Variants in CYP3A5 observed in about 807,000 individuals in gnomAD.
CYP3A5 encodes the protein cytochrome P450 3A5.
CYP3A5 carries 51 observed loss-of-function variants against 55.9 expected under a neutral mutation model. The ratio of observed to expected loss-of-function variants is 0.91; its 90% CI spans 0.73 to 1.15. The LOEUF is 1.15. Among genes scored for constraint, CYP3A5 ranks in the 50% most tolerant of loss-of-function variants. The probability of loss-of-function intolerance (pLI) is 0.00; values close to 1 mark genes in which losing one functional copy is unlikely to be tolerated. For synonymous variants in CYP3A5, 196 were observed against 213.9 expected, an observed-to-expected ratio of 0.92 and a Z score of 0.73; for missense variants, 533 against 596.6, an observed-to-expected ratio of 0.89 and a Z score of 1.11.
At chr7:99,658,420 A>T (rs567778527) in intron 10 of CYP3A5, among the ~76,000 whole-genome samples, 1 of 152,180 alleles carries the variant, frequency 6.6e-6, no homozygotes, top group Admixed American at 6.5e-5. Context: ...CCCACTCTCT[A>T]CTGGCTTGTA....
At chr7:99,677,661 A>G (rs549209671) in intron 1 of CYP3A5, among the ~76,000 whole-genome samples, 3 of 152,372 alleles carry the variant, frequency 2.0e-5, no homozygotes, top group East Asian at 1.9e-4. Flanking sequence ...CAGGGGCAGC[A>G]TGAGCAGGCC....
intron 3 of CYP3A5, chr7:99,672,957 A>G (rs1811822976): frequency 2.6e-6 from 3 of 1,160,062 alleles, no homozygotes; most frequent in Non-Finnish European, 3.2e-6. Context: ...ATGGTTAGAA[A>G]TGACAGTAGA....
At chr7:99,671,718 ATAT>A (rs1811650478) in intron 4 of CYP3A5, 2 of 661,552 alleles carry the variant, frequency 3.0e-6, no homozygotes, top group African/African-American at 1.8e-5. Context: ...ATAAAAGGAA[ATAT>A]TAATACATTG....
chr7:99,669,738 G>A (rs979165931), intron 4 of CYP3A5, among the ~76,000 whole-genome samples: 1 of 152,186 alleles, frequency 6.6e-6, no homozygotes, highest in Admixed American at 6.5e-5. Context: ...AAATCGAAAT[G>A]TCACCATGCT....
chr7:99,660,469 T>C, intron 10 of CYP3A5, 30 bp downstream of exon 10: 2 of 1,573,614 alleles, frequency 1.3e-6, no homozygotes, highest in Admixed American at 1.9e-5. Flanking sequence ...CTTCACCTCT[T>C]CCCTTCATCT....
At chr7:99,672,539 T>C in intron 4 of CYP3A5, 41 bp downstream of exon 4, 5 of 1,509,966 alleles carry the variant, frequency 3.3e-6, no homozygotes, top group Non-Finnish European at 4.6e-6. Flanking sequence ...ATTTAATCAG[T>C]GGATCAATCA....
In CYP3A5 at chr7:99,663,047, T is replaced by TA. The variant is rs1239860155; in HGVS notation, c.799-166dup. The TA allele has an allele frequency of 5.1e-6, 7 of 1,364,974 alleles. No individual in the cohort carries two copies. The East Asian group carries it at 2.0e-4, about 39-fold the overall frequency. The allele number at this position is 1,364,974 out of a possible 1,614,324, so 84.6% of individuals were successfully genotyped here. ...TCACCAGTGAACAAAAACATTCATC[T>TA]AAATCCTTGGAAAGCAGGATGTTTT... On this transcript the variant is annotated intron_variant, in intron 8 of 12. Coordinates refer to ENST00000222982, the MANE Select transcript of CYP3A5 (RefSeq NM_000777.5).
chr7:99,657,897 G>T (rs111269005), intron 10 of CYP3A5, among the ~76,000 whole-genome samples: 4,811 of 152,140 alleles, frequency 0.032, 237 homozygotes, highest in African/African-American at 0.1. Flanking sequence ...CAGAGAGTAG[G>T]ATTGCAACCC....
At chr7:99,655,829 G>C (rs1434640716) in intron 10 of CYP3A5, among the ~76,000 whole-genome samples, 2 of 151,954 alleles carry the variant, frequency 1.3e-5, no homozygotes, top group East Asian at 1.9e-4. Flanking sequence ...GTATTTTATT[G>C]TCTTTGAAGC....
At chr7:99,663,111 C>A (rs28365086) in intron 8 of CYP3A5, 4 of 1,240,214 alleles carry the variant, frequency 3.2e-6, no homozygotes, top group Non-Finnish European at 3.1e-6. Context: ...ATTGCTTTTT[C>A]GCCTTTGCCC....
intron 4 of CYP3A5, among the ~76,000 whole-genome samples, chr7:99,669,167 GAA>G (rs1249525245): frequency 1.3e-5 from 2 of 152,228 alleles, no homozygotes; most frequent in Non-Finnish European, 2.9e-5. Flanking sequence ...ATTGTTCAAT[GAA>G]AAGTGGACAA....
intron 11 of CYP3A5, 124 bp from the exon 12 acceptor site, chr7:99,650,356 TG>T: frequency 1.2e-6 from 1 of 852,018 alleles, no homozygotes; most frequent in Non-Finnish European, 1.8e-6. Flanking sequence ...AGGATACTTT[TG>T]TGGGCTGGTC....
intron 10 of CYP3A5, among the ~76,000 whole-genome samples, chr7:99,655,154 A>G (rs1189915117): frequency 2.0e-5 from 3 of 152,178 alleles, no homozygotes; most frequent in Admixed American, 2.0e-4. Context: ...GTCCTTGCCC[A>G]TGCCTCTGTA....
intron 1 of CYP3A5, 125 bp downstream of exon 1, chr7:99,679,701 G>A (rs1002012998): frequency 1.5e-5 from 13 of 856,240 alleles, no homozygotes; most frequent in East Asian, 7.3e-5. Context: ...CGTTTGTAGC[G>A]TCCAACACTT....
chr7:99,677,500 A>T (rs1052380007), intron 1 of CYP3A5, among the ~76,000 whole-genome samples: 4 of 152,240 alleles, frequency 2.6e-5, no homozygotes, highest in African/African-American at 9.6e-5. Flanking sequence ...AACGTCCCGG[A>T]GAGTTGTATT....
intron 4 of CYP3A5, among the ~76,000 whole-genome samples, chr7:99,669,521 C>G (rs1811370996): frequency 6.6e-6 from 1 of 152,166 alleles, no homozygotes; most frequent in East Asian, 1.9e-4. Context: ...CCTTGAGAAA[C>G]TGATATTTCT....
chr7:99,657,238 C>G (rs1449374658), intron 10 of CYP3A5, among the ~76,000 whole-genome samples: 2 of 152,198 alleles, frequency 1.3e-5, no homozygotes, highest in African/African-American at 4.8e-5. Flanking sequence ...AAATTTCCCT[C>G]TACACATTGC....
At chr7:99,666,523 G>T in intron 6 of CYP3A5, 78 bp downstream of exon 6, 1 of 1,451,230 alleles carries the variant, frequency 6.9e-7, no homozygotes, top group Non-Finnish European at 9.7e-7. Context: ...TAACCCAACA[G>T]TGCGACTGTC....
chr7:99,677,733 A>G (rs768434891), intron 1 of CYP3A5, among the ~76,000 whole-genome samples: 19 of 152,202 alleles, frequency 1.2e-4, no homozygotes, highest in Non-Finnish European at 1.9e-4. Context: ...CCACCTGCCA[A>G]AGCCAGGGTG....
Sources: allele counts gnomAD v4.1 joint callset (sites outside exome capture counted in the v4.1 genomes callset), GRCh38; gene constraint gnomAD v4.1.1; transcripts MANE v1.5; gene names NCBI Gene and HGNC (gene_info 2026-07-23, HGNC 2026-07-21).